Variants in PKP4 observed in about 807,000 individuals in gnomAD.
The protein encoded by PKP4 is plakophilin-4.
Under a neutral mutation model 145.1 loss-of-function variants are expected in PKP4, and 90 were observed. The ratio of observed to expected loss-of-function variants is 0.62; its 90% CI spans 0.52 to 0.74. PKP4 has a LOEUF of 0.74. Ranked by LOEUF, PKP4 falls within the 30% of genes least tolerant of loss-of-function variation. PKP4 has a pLI of 0.00. For synonymous variants in PKP4, 563 were observed against 577.2 expected (o/e 0.98, Z 0.35); for missense variants, 1,340 against 1,482.7 (o/e 0.90, Z 1.58).
intron 1 of PKP4, among the ~76,000 whole-genome samples, chr2:158,490,146 A>G (rs1694735097): frequency 6.6e-6 from 1 of 152,196 alleles, no homozygotes; most frequent in South Asian, 2.1e-4. Flanking sequence ...ACCAGATGGC[A>G]TCTACCTAGG....
chr2:158,635,702 G>A (rs1461961637), intron 9 of PKP4, among the ~76,000 whole-genome samples: 5 of 152,110 alleles, frequency 3.3e-5, no homozygotes, highest in Non-Finnish European at 5.9e-5. Context: ...TATTCATAGT[G>A]TGATAATTTC....
At position 158,467,847 on chromosome 2, in the gene PKP4, C is replaced by T. The variant is rs528626469; in HGVS notation, c.-6+10629C>T. Among the ~76,000 whole-genome samples the T allele has an allele frequency of 2.0e-5, 3 of 151,428 alleles. No individual in the cohort carries two copies. The South Asian group carries it at 6.2e-4, about 32-fold the overall frequency. Reference sequence around the variant, plus strand: ...GGGCAATAGAGTGAAACTCTATCTCCAAAAATAAAAAAATAAAAAAAGAAT... The same window carrying T: ...GGGCAATAGAGTGAAACTCTATCTCTAAAAATAAAAAAATAAAAAAAGAAT... On this transcript the variant is annotated intron_variant, in intron 1 of 21. Transcript: ENST00000389759.
intron 3 of PKP4, among the ~76,000 whole-genome samples, chr2:158,581,723 C>T (rs555524249): frequency 2.6e-5 from 4 of 152,286 alleles, no homozygotes; most frequent in African/African-American, 9.6e-5. Context: ...TAGGTAGAAA[C>T]TAGTCCTCTG....
intron 1 of PKP4, among the ~76,000 whole-genome samples, chr2:158,503,481 A>G (rs1295127706): frequency 6.6e-6 from 1 of 152,246 alleles, no homozygotes; most frequent in Non-Finnish European, 1.5e-5. Context: ...ATGAAGTTAT[A>G]TTCTCATATA....
intron 14 of PKP4, 51 bp from the exon 15 acceptor site, chr2:158,663,221 G>A (rs1245934624): frequency 6.4e-7 from 1 of 1,571,494 alleles, no homozygotes; most frequent in Admixed American, 1.7e-5. Context: ...TTCAAGTATT[G>A]GAGATCATGT....
chr2:158,495,850 T>C (rs1695628709), intron 1 of PKP4, among the ~76,000 whole-genome samples: 1 of 57,780 alleles, frequency 1.7e-5, no homozygotes, highest in Non-Finnish European at 4.4e-5. Flanking sequence ...AATAAATAAA[T>C]AAATAAATAA....
At chr2:158,635,727 A>T (rs192244342) in intron 9 of PKP4, among the ~76,000 whole-genome samples, 100 of 152,326 alleles carry the variant, frequency 6.6e-4, no homozygotes, top group African/African-American at 2.3e-3. Flanking sequence ...TCTAATGCAT[A>T]AAACTGATGG....
At chr2:158,572,959 A>C (rs1369468502) in intron 2 of PKP4, among the ~76,000 whole-genome samples, 2 of 152,228 alleles carry the variant, frequency 1.3e-5, no homozygotes, top group African/African-American at 4.8e-5. Context: ...ATTATCAAGC[A>C]AAACTGAAGA....
intron 20 of PKP4, 133 bp downstream of exon 20, chr2:158,677,000 C>A: frequency 9.5e-7 from 1 of 1,047,656 alleles, no homozygotes; most frequent in Non-Finnish European, 1.5e-6. Flanking sequence ...TCCAGTCATT[C>A]CCTTTCCTAC....
chr2:158,581,646 C>A (rs1037252099), intron 3 of PKP4, among the ~76,000 whole-genome samples: 23 of 152,210 alleles, frequency 1.5e-4, no homozygotes, highest in African/African-American at 5.3e-4. Context: ...GTGAGTAGTT[C>A]GGTTCCCTCA....
Position 158,624,921 on chromosome 2 carries a change from C to T in PKP4, c.647C>T (p.Pro216Leu). The change falls in exon 7 of 22, where the codon CCA becomes CTA. Residue 216 changes from proline to leucine, a missense_variant. Physicochemically the swap from Pro to Leu is moderately conservative, Grantham distance 98. Coordinates refer to ENST00000389759, the MANE Select transcript of PKP4 (RefSeq NM_003628.6). ...GCCATGAGAAGAGTTAGTTCAGTTCCATCTAGAGCACAGTCTCCTTCTTAT... is the reference window on the plus strand; with the variant it reads ...GCCATGAGAAGAGTTAGTTCAGTTCTATCTAGAGCACAGTCTCCTTCTTAT... ...NRAMRRVSSV[P>L]SRAQSPSYVI... is the part of the protein sequence containing the mutation. The T allele has an allele frequency of 6.2e-7, 1 of 1,612,600 alleles. No homozygotes were observed. The highest frequency in any genetic ancestry group is 1.3e-5 in the African/African-American group (1 of 75,020).
chr2:158,671,195 G>A (rs1406039205), intron 17 of PKP4, among the ~76,000 whole-genome samples: 1 of 152,182 alleles, frequency 6.6e-6, no homozygotes, highest in African/African-American at 2.4e-5. Flanking sequence ...CCAAATGACA[G>A]TGCTGGAACT....
intron 3 of PKP4, among the ~76,000 whole-genome samples, chr2:158,578,681 T>C (rs1422689396): frequency 6.6e-6 from 1 of 152,212 alleles, no homozygotes; most frequent in Non-Finnish European, 1.5e-5. Flanking sequence ...TATATTTTAA[T>C]AGAAAAGTAA....
chr2:158,604,230 G>A (rs1168094025), intron 4 of PKP4, among the ~76,000 whole-genome samples: 2 of 152,182 alleles, frequency 1.3e-5, no homozygotes, highest in East Asian at 3.9e-4. Flanking sequence ...TCTGGAGAGG[G>A]CATTGTCACT....
chr2:158,631,078 T>C (rs112920878), intron 7 of PKP4, among the ~76,000 whole-genome samples: 35,280 of 151,510 alleles, frequency 0.23, 4,430 homozygotes, highest in Middle Eastern at 0.36. Context: ...GCTGGGACTA[T>C]AGGCTCCCGC....
chr2:158,487,234 A>AT (rs1233984679), intron 1 of PKP4, among the ~76,000 whole-genome samples: 1 of 152,206 alleles, frequency 6.6e-6, no homozygotes. Context: ...AAGGCCATAA[A>AT]TAGGAATTTT....
chr2:158,462,336 G>A (rs1426452604), intron 1 of PKP4, among the ~76,000 whole-genome samples: 1 of 150,386 alleles, frequency 6.6e-6, no homozygotes, highest in African/African-American at 2.5e-5. Context: ...TTTAGCTCAA[G>A]ATTCCTGAAG....
intron 9 of PKP4, among the ~76,000 whole-genome samples, chr2:158,637,191 T>C (rs1203950592): frequency 6.6e-6 from 1 of 152,222 alleles, no homozygotes. Context: ...AGATTGGTTT[T>C]GTTCATTGTT....
intron 1 of PKP4, among the ~76,000 whole-genome samples, chr2:158,493,256 T>C (rs1302990951): frequency 6.6e-6 from 1 of 152,228 alleles, no homozygotes; most frequent in African/African-American, 2.4e-5. Flanking sequence ...TGACAGATCA[T>C]AATTTTTTAT....
Sources: gnomAD v4.1 joint callset for allele counts (sites outside exome capture counted in the v4.1 genomes callset) on GRCh38, gnomAD v4.1.1 for gene constraint, MANE v1.5 for transcripts, NCBI Gene and HGNC (gene_info 2026-07-23, HGNC 2026-07-21) for gene names.